SAMMSON: variants seen among roughly 807,000 people sequenced by gnomAD.
SAMMSON encodes the protein survival associated mitochondrial melanoma specific oncogenic non-coding RNA, also known as long intergenic non-protein coding RNA 1212.
chr3:70,429,939 C>T (rs1473256169), intron 2 of SAMMSON, among the ~76,000 whole-genome samples: 2 of 152,110 alleles, frequency 1.3e-5, no homozygotes, highest in South Asian at 2.1e-4. Context: ...TCCTTTCTTC[C>T]TATTTGAATA....
intron 3 of SAMMSON, among the ~76,000 whole-genome samples, chr3:70,019,647 C>T (rs1248119066): frequency 2.0e-5 from 3 of 152,156 alleles, no homozygotes; most frequent in African/African-American, 7.2e-5. Context: ...GGTTATTCTG[C>T]TCGTCAGTTG....
chr3:70,404,016 T>G (rs1271783238), intron 2 of SAMMSON, among the ~76,000 whole-genome samples: 1 of 152,078 alleles, frequency 6.6e-6, no homozygotes, highest in Non-Finnish European at 1.5e-5. Context: ...GTCTCAGATA[T>G]TTTTTCATCA....
chr3:70,108,655 A>G (rs59855308), intron 4 of SAMMSON, among the ~76,000 whole-genome samples: 20,354 of 151,380 alleles, frequency 0.13, 1,748 homozygotes, highest in East Asian at 0.48. Flanking sequence ...TGGGGCTTTT[A>G]TGATGAGATT....
rs143828752 is a variant in SAMMSON, at chr3:70,056,669, A to G, written n.418-14807A>G. ...TAATATTAAAACTCATAGTGTATCT[A>G]TTAAAATGTTTATATTTCACATCTA... On this transcript the variant is annotated intron_variant and non_coding_transcript_variant, in intron 3 of 9. Coordinates refer to ENST00000642114, the Ensembl canonical transcript of SAMMSON. Among the ~76,000 whole-genome samples, 214 of 152,142 alleles carry G rather than the reference A, an allele frequency of 1.4e-3. 3 individuals carry two copies. The East Asian group carries it at 0.041, about 29-fold the overall frequency.
At position 70,086,117 on chromosome 3, in the gene SAMMSON, G is replaced by T. The variant is rs1233163542; in HGVS notation, n.507+14552G>T. ...ATGTGGCAAGTCATTTCAACAAAAG[G>T]TCAGTCTGTTATTACTAAGAAAACC... On this transcript the variant is annotated intron_variant and non_coding_transcript_variant, in intron 4 of 9. Transcript: ENST00000642114. Among the ~76,000 whole-genome samples, 3 of 152,160 alleles carry T rather than the reference G, an allele frequency of 2.0e-5. 1 individual carries two copies. In the East Asian group the frequency reaches 5.8e-4, roughly 29 times the overall value.
At chr3:70,405,031 A>G (rs985648684) in intron 2 of SAMMSON, among the ~76,000 whole-genome samples, 8 of 152,226 alleles carry the variant, frequency 5.3e-5, no homozygotes, top group African/African-American at 1.9e-4. Context: ...AACAAAAAAC[A>G]TCAGTGAAAG....
At position 70,358,828 on chromosome 3, in the gene SAMMSON, A is replaced by C. The variant is rs541284769; in HGVS notation, n.913+504A>C. ...TCTTCAATGATGTGAACTTATTCTT[A>C]AAATCCATATAATGTAAAAGAAGCC... On this transcript the variant is annotated intron_variant and non_coding_transcript_variant, in intron 9 of 9. Transcript: ENST00000642114. Among the ~76,000 whole-genome samples the C allele has an allele frequency of 4.1e-4, 62 of 152,300 alleles. No individual in the cohort carries two copies. In the South Asian group the frequency reaches 0.012, roughly 29 times the overall value.
chr3:70,155,221 C>A (rs1038839027), intron 4 of SAMMSON, among the ~76,000 whole-genome samples: 3 of 151,802 alleles, frequency 2.0e-5, no homozygotes, highest in African/African-American at 7.3e-5. Context: ...CCCTAGGGGC[C>A]TTTGGGTATT....
At chr3:70,018,935 T>C (rs1349839477) in intron 3 of SAMMSON, among the ~76,000 whole-genome samples, 1 of 152,266 alleles carries the variant, frequency 6.6e-6, no homozygotes, top group Admixed American at 6.5e-5. Flanking sequence ...GATTGCACTG[T>C]GGTCTGAGAG....
chr3:70,227,450 C>CA (rs1303210386), intron 4 of SAMMSON, among the ~76,000 whole-genome samples: 10 of 152,260 alleles, frequency 6.6e-5, no homozygotes, highest in African/African-American at 2.4e-4. Context: ...GCAGGAAAAA[C>CA]AGACCACTGA....
chr3:70,038,613 G>C (rs1053544543), intron 3 of SAMMSON, among the ~76,000 whole-genome samples: 1 of 152,166 alleles, frequency 6.6e-6, no homozygotes, highest in African/African-American at 2.4e-5. Flanking sequence ...TACAGCATCA[G>C]AATGAAGGTT....
chr3:70,282,645 C>G (rs924876178), intron 6 of SAMMSON, among the ~76,000 whole-genome samples: 1 of 152,162 alleles, frequency 6.6e-6, no homozygotes, highest in Non-Finnish European at 1.5e-5. Context: ...GGTTCTTGCC[C>G]TCATTTCATT....
intron 4 of SAMMSON, among the ~76,000 whole-genome samples, chr3:70,207,296 A>C (rs1283306952): frequency 6.6e-6 from 1 of 152,122 alleles, no homozygotes; most frequent in East Asian, 1.9e-4. Context: ...CTATAAGCTC[A>C]TTCCTGCTTC....
chr3:70,065,446 A>G (rs1350845907), intron 3 of SAMMSON: 6 of 152,124 alleles, frequency 3.9e-5, no homozygotes, highest in Non-Finnish European at 5.9e-5. Context: ...CAAAGTTTTC[A>G]TGAGTTGTCC....
chr3:70,196,795 G>GA lies in SAMMSON; in HGVS notation n.508-52310dup, dbSNP rs1576151143. The GA allele has an allele frequency of 1.8e-5, 7 of 396,908 alleles. 1 individual carries two copies. The East Asian group carries it at 2.5e-4, about 14-fold the overall frequency. 24.6% of individuals were successfully genotyped at this position (396,908 alleles called of 1,614,324 possible). A position where few individuals can be genotyped will look rare whatever the true frequency, so the allele number is the denominator to read the frequency against. On this transcript the variant is annotated intron_variant and non_coding_transcript_variant, in intron 4 of 9. Transcript: ENST00000642114. ...ATACTAGCTTTCCTAGACAGGTGCA[G>GA]AATAAAATGGCCTATAGCATCCAAG...
At chr3:70,289,041 A>G (rs920013181) in intron 6 of SAMMSON, among the ~76,000 whole-genome samples, 3 of 151,632 alleles carry the variant, frequency 2.0e-5, no homozygotes, top group Non-Finnish European at 2.9e-5. Flanking sequence ...TTTTAATTGG[A>G]GCATTTAGCC....
intron 7 of SAMMSON, among the ~76,000 whole-genome samples, chr3:70,333,685 C>T (rs1390273141): frequency 1.3e-5 from 2 of 152,212 alleles, no homozygotes; most frequent in African/African-American, 4.8e-5. Context: ...AATTTCTTCT[C>T]TATTTCTCCA....
At chr3:70,411,390 T>A (rs143810523) in intron 2 of SAMMSON, among the ~76,000 whole-genome samples, 1 of 152,338 alleles carries the variant, frequency 6.6e-6, no homozygotes, top group East Asian at 1.9e-4. Flanking sequence ...AGTACAGAAC[T>A]TTCATCCACC....
At chr3:70,260,537 C>T (rs942541353) in intron 6 of SAMMSON, among the ~76,000 whole-genome samples, 1 of 151,934 alleles carries the variant, frequency 6.6e-6, no homozygotes, top group African/African-American at 2.4e-5. Flanking sequence ...GCTAGGAGTC[C>T]CTATCATGAG....
Sources: gnomAD v4.1 joint callset for allele counts (sites outside exome capture counted in the v4.1 genomes callset) on GRCh38, gnomAD v4.1.1 for gene constraint, MANE v1.5 for transcripts, NCBI Gene and HGNC (gene_info 2026-07-23, HGNC 2026-07-21) for gene names.